The following HS6ST3 variants were observed in gnomAD, a reference collection of about 807,000 sequenced individuals.
HS6ST3 encodes heparan-sulfate 6-O-sulfotransferase 3.
HS6ST3 carries 12 observed loss-of-function variants against 36.7 expected under a neutral mutation model. That is an observed-to-expected ratio of 0.33 (90% CI 0.21 to 0.53). The LOEUF is 0.53. HS6ST3 is among the 20% of genes least tolerant of loss of function. HS6ST3 has a pLI of 0.95. For synonymous variants in HS6ST3, 240 were observed against 257.5 expected, an observed-to-expected ratio of 0.93 and a Z score of 0.65; for missense variants, 584 against 640.9, an observed-to-expected ratio of 0.91 and a Z score of 0.96.
chr13:96,442,999 T>G (rs1200619173), intron 1 of HS6ST3, among the ~76,000 whole-genome samples: 3 of 151,896 alleles, frequency 2.0e-5, no homozygotes, highest in Non-Finnish European at 4.4e-5. Context: ...TGAGCAATAT[T>G]AGGTAAAAAA....
intron 1 of HS6ST3, among the ~76,000 whole-genome samples, chr13:96,098,404 A>G (rs1284170978): frequency 1.3e-5 from 2 of 152,192 alleles, no homozygotes; most frequent in Non-Finnish European, 2.9e-5. Flanking sequence ...AGAACAATAG[A>G]AAGATATGAT....
At chr13:96,205,007 T>G (rs1003741973) in intron 1 of HS6ST3, among the ~76,000 whole-genome samples, 3 of 151,688 alleles carry the variant, frequency 2.0e-5, no homozygotes, top group Admixed American at 6.6e-5. Flanking sequence ...CTGGAGGAGA[T>G]AGAGACACAA....
intron 1 of HS6ST3, among the ~76,000 whole-genome samples, chr13:96,115,290 C>CT (rs1261774294): frequency 6.6e-6 from 1 of 152,118 alleles, no homozygotes; most frequent in Non-Finnish European, 1.5e-5. Flanking sequence ...GTTTGTTTTA[C>CT]TTTAAGTTTC....
At chr13:96,524,740 G>A (rs141533538) in intron 1 of HS6ST3, among the ~76,000 whole-genome samples, 11 of 152,322 alleles carry the variant, frequency 7.2e-5, no homozygotes, top group South Asian at 4.1e-4. Flanking sequence ...GGAGTGTACC[G>A]TTCCTCCAGG....
At chr13:96,739,228 T>TGTGA (rs1236978818) in intron 1 of HS6ST3, among the ~76,000 whole-genome samples, 3,833 of 98,712 alleles carry the variant, frequency 0.039, 80 homozygotes, top group Admixed American at 0.048. Flanking sequence ...CTTGTGTGTG[T>TGTGA]GTGTGTGTGT....
At chr13:96,773,592 G>A (rs1002652858) in intron 1 of HS6ST3, among the ~76,000 whole-genome samples, 11 of 152,270 alleles carry the variant, frequency 7.2e-5, no homozygotes, top group South Asian at 2.1e-4. Flanking sequence ...CCACAGCAGC[G>A]CCTCAAAGCT....
intron 1 of HS6ST3, among the ~76,000 whole-genome samples, chr13:96,170,524 G>A (rs1275449572): frequency 6.6e-6 from 1 of 152,220 alleles, no homozygotes; most frequent in East Asian, 1.9e-4. Flanking sequence ...AGGCAGCCAA[G>A]CAATTTTCTA....
chr13:96,209,607 G>C (rs1167788444), intron 1 of HS6ST3, among the ~76,000 whole-genome samples: 1 of 152,166 alleles, frequency 6.6e-6, no homozygotes, highest in African/African-American at 2.4e-5. Context: ...AGCAGTGTCA[G>C]CAGGACCTTC....
At chr13:96,098,185 A>T (rs2053800672) in intron 1 of HS6ST3, among the ~76,000 whole-genome samples, 2 of 152,184 alleles carry the variant, frequency 1.3e-5, no homozygotes, top group Admixed American at 1.3e-4. Flanking sequence ...TTACTGACAG[A>T]TGTATTTGCC....
At chr13:96,478,743 G>A (rs765294802) in intron 1 of HS6ST3, among the ~76,000 whole-genome samples, 4 of 152,032 alleles carry the variant, frequency 2.6e-5, no homozygotes, top group Admixed American at 6.6e-5. Context: ...CAGATACTAC[G>A]ATTTACAACT....
At chr13:96,322,698 C>T (rs76152613) in intron 1 of HS6ST3, among the ~76,000 whole-genome samples, 3,835 of 152,276 alleles carry the variant, frequency 0.025, 163 homozygotes, top group African/African-American at 0.089. Context: ...CACTTTACAG[C>T]GAAACTCTAA....
chr13:96,295,191 A>G (rs1363180632), intron 1 of HS6ST3, among the ~76,000 whole-genome samples: 1 of 152,148 alleles, frequency 6.6e-6, no homozygotes, highest in East Asian at 1.9e-4. Context: ...ATATAATAGA[A>G]TGAAAATGAT....
At chr13:96,666,344 C>T (rs962391473) in intron 1 of HS6ST3, among the ~76,000 whole-genome samples, 24 of 152,134 alleles carry the variant, frequency 1.6e-4, no homozygotes, top group Admixed American at 1.2e-3. Flanking sequence ...GGTGCAATCA[C>T]GGACAAACCA....
chr13:96,383,985 C>T (rs2055354917), intron 1 of HS6ST3, among the ~76,000 whole-genome samples: 1 of 152,146 alleles, frequency 6.6e-6, no homozygotes, highest in African/African-American at 2.4e-5. Context: ...GATGGCGGCT[C>T]ACAACAGTGT....
At chr13:96,617,804 C>T (rs983223495) in intron 1 of HS6ST3, among the ~76,000 whole-genome samples, 2 of 152,090 alleles carry the variant, frequency 1.3e-5, no homozygotes, top group African/African-American at 4.8e-5. Context: ...GAGGTGGAGC[C>T]CAGATATCTG....
At chr13:96,502,520 G>T (rs1462732304) in intron 1 of HS6ST3, among the ~76,000 whole-genome samples, 1 of 152,016 alleles carries the variant, frequency 6.6e-6, no homozygotes, top group Admixed American at 6.6e-5. Context: ...TATCAAGCAG[G>T]GACAAAGCAG....
intron 1 of HS6ST3, among the ~76,000 whole-genome samples, chr13:96,800,467 C>T (rs990668345): frequency 3.3e-5 from 5 of 151,954 alleles, no homozygotes; most frequent in South Asian, 2.1e-4. Flanking sequence ...GAGTATTCTC[C>T]GATCAGAGAC....
chr13:96,777,950 A>G (rs1357663301), intron 1 of HS6ST3, among the ~76,000 whole-genome samples: 19 of 152,192 alleles, frequency 1.2e-4, no homozygotes, highest in Admixed American at 1.2e-3. Flanking sequence ...TAACCAAAAC[A>G]GCATGGTACT....
rs2054718577 is a variant in HS6ST3 at position 96,271,282 on chromosome 13, GCA to G, written c.707+179716_707+179717del. Among the ~76,000 whole-genome samples, 2 of 151,786 alleles carry G rather than the reference GCA, an allele frequency of 1.3e-5. 1 individual carries two copies. The highest frequency in any genetic ancestry group is 4.9e-5 in the African/African-American group (2 of 41,192). ...AATATGTGTGTGAAGAATCCCAAGAGCACAGAAATAGTAAAATAGGAAGTGGT... is the reference window on the plus strand; with the variant it reads ...AATATGTGTGTGAAGAATCCCAAGAGCAGAAATAGTAAAATAGGAAGTGGT... On this transcript the variant is annotated intron_variant, in intron 1 of 1. Coordinates refer to ENST00000376705, the MANE Select transcript of HS6ST3 (RefSeq NM_153456.4).
Sources: allele counts gnomAD v4.1 joint callset (sites outside exome capture counted in the v4.1 genomes callset), GRCh38; gene constraint gnomAD v4.1.1; transcripts MANE v1.5; gene names NCBI Gene and HGNC (gene_info 2026-07-23, HGNC 2026-07-21).